The following FBXL7 variants were observed in gnomAD, a reference collection of about 807,000 sequenced individuals.
The protein encoded by FBXL7 is F-box and leucine rich repeat protein 7.
FBXL7 carries 12 observed loss-of-function variants against 38.3 expected under a neutral mutation model. That is an observed-to-expected ratio of 0.31 (90% CI 0.20 to 0.51). The LOEUF (loss-of-function observed/expected upper bound fraction) is 0.51, where lower values mean the gene tolerates loss of function less well. FBXL7 is among the 20% of genes least tolerant of loss of function. The probability of loss-of-function intolerance (pLI) is 0.98; values close to 1 mark genes in which losing one functional copy is unlikely to be tolerated. For missense variants in FBXL7, 567 were observed against 676.4 expected (o/e 0.84, Z 1.79); for synonymous variants, 297 against 300.9 (o/e 0.99, Z 0.13).
intron 1 of FBXL7, among the ~76,000 whole-genome samples, chr5:15,595,989 A>G (rs900637823): frequency 2.6e-5 from 4 of 152,176 alleles, no homozygotes; most frequent in South Asian, 2.1e-4. Context: ...CGCAGAACAC[A>G]CTCATTAGGG....
intron 2 of FBXL7, among the ~76,000 whole-genome samples, chr5:15,921,380 C>CAAA (rs56077834): frequency 4.0e-5 from 5 of 124,672 alleles, no homozygotes; most frequent in African/African-American, 1.5e-4. Flanking sequence ...GACTCCATCT[C>CAAA]AAAAAAAAAA....
At chr5:15,598,251 T>C (rs1739683836) in intron 1 of FBXL7, among the ~76,000 whole-genome samples, 1 of 152,218 alleles carries the variant, frequency 6.6e-6, no homozygotes, top group East Asian at 1.9e-4. Context: ...TGTGGCTAAG[T>C]ATAATGCTTC....
intron 2 of FBXL7, among the ~76,000 whole-genome samples, chr5:15,797,596 T>C (rs1186212348): frequency 6.6e-6 from 1 of 152,188 alleles, no homozygotes. Context: ...GGCACAACCA[T>C]ATGTGGCTGT....
intron 2 of FBXL7, among the ~76,000 whole-genome samples, chr5:15,878,296 A>C (rs529189739): frequency 6.6e-6 from 1 of 152,190 alleles, no homozygotes; most frequent in Admixed American, 6.5e-5. Flanking sequence ...ATTTCTGTCA[A>C]TAAACTCCTG....
At chr5:15,597,062 A>T (rs1367113097) in intron 1 of FBXL7, among the ~76,000 whole-genome samples, 1 of 152,162 alleles carries the variant, frequency 6.6e-6, no homozygotes, top group Admixed American at 6.5e-5. Flanking sequence ...TGGACATGTG[A>T]TTGGCATCTA....
intron 2 of FBXL7, among the ~76,000 whole-genome samples, chr5:15,679,569 T>G (rs1579372338): frequency 6.6e-6 from 1 of 151,998 alleles, no homozygotes; most frequent in East Asian, 1.9e-4. Flanking sequence ...TTTTTTTTTT[T>G]TTTTTTTTCA....
intron 2 of FBXL7, among the ~76,000 whole-genome samples, chr5:15,918,667 T>C (rs985030845): frequency 3.3e-5 from 5 of 152,342 alleles, no homozygotes; most frequent in Admixed American, 2.0e-4. Context: ...CTGGCCTCTG[T>C]GACTGATATT....
intron 1 of FBXL7, among the ~76,000 whole-genome samples, chr5:15,545,767 C>T (rs552613446): frequency 1.4e-3 from 206 of 152,296 alleles, no homozygotes; most frequent in Middle Eastern, 3.4e-3. Context: ...GCTAATTGTG[C>T]AACAGAGTGT....
chr5:15,788,712 G>A (rs887191743), intron 2 of FBXL7, among the ~76,000 whole-genome samples: 9 of 150,990 alleles, frequency 6.0e-5, no homozygotes, highest in South Asian at 2.1e-4. Context: ...TTTCTTTGAC[G>A]GAGTCTCGCT....
At chr5:15,863,839 G>A (rs1272386178) in intron 2 of FBXL7, among the ~76,000 whole-genome samples, 2 of 152,130 alleles carry the variant, frequency 1.3e-5, no homozygotes, top group African/African-American at 4.8e-5. Flanking sequence ...CCCATGCAGG[G>A]TCCTCCTCGC....
At chr5:15,551,935 T>C (rs1211715261) in intron 1 of FBXL7, among the ~76,000 whole-genome samples, 1 of 152,238 alleles carries the variant, frequency 6.6e-6, no homozygotes, top group African/African-American at 2.4e-5. Flanking sequence ...CTTGTTCTTA[T>C]ATGGTCTTGT....
chr5:15,861,695 A>G (rs923295143), intron 2 of FBXL7, among the ~76,000 whole-genome samples: 1 of 152,216 alleles, frequency 6.6e-6, no homozygotes, highest in Admixed American at 6.5e-5. Context: ...GCATAGTCCT[A>G]TTAACATAAC....
intron 2 of FBXL7, among the ~76,000 whole-genome samples, chr5:15,823,644 G>C (rs1738230607): frequency 6.6e-6 from 1 of 152,110 alleles, no homozygotes; most frequent in African/African-American, 2.4e-5. Context: ...TGGCTTGAAA[G>C]CTCTTTAGCT....
intron 2 of FBXL7, among the ~76,000 whole-genome samples, chr5:15,902,906 G>T (rs2126412650): frequency 1.3e-5 from 2 of 152,370 alleles, no homozygotes; most frequent in Non-Finnish European, 2.9e-5. Flanking sequence ...TCGAGCAGTA[G>T]GTCTAGGCAG....
chr5:15,869,202 G>T (rs994200920), intron 2 of FBXL7, among the ~76,000 whole-genome samples: 7 of 152,178 alleles, frequency 4.6e-5, no homozygotes, highest in African/African-American at 1.7e-4. Flanking sequence ...AATCTTGGAA[G>T]TGATATCCCA....
At chr5:15,585,790 C>T (rs945648573) in intron 1 of FBXL7, among the ~76,000 whole-genome samples, 1 of 152,054 alleles carries the variant, frequency 6.6e-6, no homozygotes, top group Non-Finnish European at 1.5e-5. Context: ...TTTTTCAGAC[C>T]CATTGGTATG....
intron 2 of FBXL7, among the ~76,000 whole-genome samples, chr5:15,894,848 A>C (rs1741045484): frequency 6.6e-6 from 1 of 152,212 alleles, no homozygotes; most frequent in Non-Finnish European, 1.5e-5. Flanking sequence ...GAGAAATTTA[A>C]ATCTTTTTTT....
At chr5:15,573,012 T>C (rs1429926293) in intron 1 of FBXL7, among the ~76,000 whole-genome samples, 1 of 152,176 alleles carries the variant, frequency 6.6e-6, no homozygotes, top group African/African-American at 2.4e-5. Context: ...CTCTGGATTT[T>C]AGAGAAGCCC....
At chr5:15,835,628 C>T (rs1177685391) in intron 2 of FBXL7, among the ~76,000 whole-genome samples, 3 of 152,082 alleles carry the variant, frequency 2.0e-5, no homozygotes, top group Admixed American at 6.6e-5. Flanking sequence ...ATGTAAGTGA[C>T]TTTCTGAGAG....
Sources: gnomAD v4.1 joint callset for allele counts (sites outside exome capture counted in the v4.1 genomes callset) on GRCh38, gnomAD v4.1.1 for gene constraint, MANE v1.5 for transcripts, NCBI Gene and HGNC (gene_info 2026-07-23, HGNC 2026-07-21) for gene names.